Variants in EPM2A observed in about 807,000 individuals in gnomAD.
The protein encoded by EPM2A is laforin.
In EPM2A, 21 loss-of-function variants were observed where a neutral mutation model predicts 26.5. The observed-to-expected ratio is 0.79, with a 90% CI of 0.56 to 1.14. The LOEUF is 1.14. EPM2A is among the 50% of genes most tolerant of loss of function. EPM2A has a pLI of 0.00. For synonymous variants in EPM2A, 217 were observed against 177.6 expected (o/e 1.22, Z -1.76); for missense variants, 458 against 440.8 (o/e 1.04, Z -0.35).
chr6:145,540,360 C>T (rs1780489818), intron 2 of EPM2A, among the ~76,000 whole-genome samples: 1 of 152,128 alleles, frequency 6.6e-6, no homozygotes, highest in African/African-American at 2.4e-5. Flanking sequence ...TGGGTTGAGC[C>T]AAAATTACTT....
intron 1 of EPM2A, among the ~76,000 whole-genome samples, chr6:145,726,358 T>A (rs911042816): frequency 5.3e-5 from 8 of 151,932 alleles, no homozygotes; most frequent in African/African-American, 1.9e-4. Context: ...AAGAGACAAA[T>A]CCTCCATATA....
In EPM2A at chr6:145,501,900, TG is replaced by T. The variant is rs113837339; in HGVS notation, c.395-54del. 3,359 of 470,706 alleles carry T rather than the reference TG, an allele frequency of 7.1e-3. 76 individuals carry two copies. In the East Asian group the frequency reaches 0.09, roughly 13 times the overall value. The allele number at this position is 470,706 out of a possible 1,614,324, so 29.2% of individuals were successfully genotyped here. A position where few individuals can be genotyped will look rare whatever the true frequency, so the allele number is the denominator to read the frequency against. On this transcript the variant is annotated intron_variant, in intron 3 of 3. Coordinates refer to the EPM2A transcript ENST00000450221. Reference sequence around the variant, plus strand: ...TAGAGGTGACAATTGTCATTGTTATTGTTCTCATTTTACAGATGTGAAGGCT... The same window carrying T: ...TAGAGGTGACAATTGTCATTGTTATTTTCTCATTTTACAGATGTGAAGGCT...
chr6:145,502,004 C>A (rs1779896889), intron 3 of EPM2A, among the ~76,000 whole-genome samples: 3 of 152,194 alleles, frequency 2.0e-5, no homozygotes. Context: ...GAACCCTAAA[C>A]AGCTAACCTC....
intron 1 of EPM2A, chr6:145,722,610 A>G (rs888301640): frequency 7.9e-6 from 2 of 252,704 alleles, no homozygotes; most frequent in African/African-American, 4.7e-5. Flanking sequence ...TTGGTGAATG[A>G]AGTATTAGAA....
intron 2 of EPM2A, among the ~76,000 whole-genome samples, chr6:145,554,422 TGATAGATAGATAGATA>T (rs34637179): frequency 0.022 from 3,216 of 146,214 alleles, 107 homozygotes; most frequent in African/African-American, 0.075. Context: ...GATAGATAGA[TGATAGATAGATAGATA>T]GATAGATAGA....
intron 4 of EPM2A, among the ~76,000 whole-genome samples, chr6:145,415,220 G>A (rs1423819006): frequency 6.6e-6 from 1 of 152,204 alleles, no homozygotes; most frequent in East Asian, 1.9e-4. Context: ...CAAAAGAAAT[G>A]GAGAACATTC....
chr6:145,643,475 T>C (rs79070251), intron 2 of EPM2A, among the ~76,000 whole-genome samples: 2,035 of 152,248 alleles, frequency 0.013, 18 homozygotes, highest in Non-Finnish European at 0.02. Flanking sequence ...AATTTAAGGG[T>C]TAAATTTAAC....
At chr6:145,472,758 C>A (rs114395662) in intron 4 of EPM2A, among the ~76,000 whole-genome samples, 3 of 152,062 alleles carry the variant, frequency 2.0e-5, no homozygotes, top group Non-Finnish European at 4.4e-5. Flanking sequence ...CAATAGAATG[C>A]GAGATAGACT....
At chr6:145,571,186 CTG>C (rs34836710) in intron 2 of EPM2A, among the ~76,000 whole-genome samples, 54,918 of 151,936 alleles carry the variant, frequency 0.36, 10,361 homozygotes, top group South Asian at 0.51. Flanking sequence ...ATGGGAGAAA[CTG>C]TTCCATATAT....
At chr6:145,731,034 A>C (rs75576686) in intron 1 of EPM2A, among the ~76,000 whole-genome samples, 13 of 152,270 alleles carry the variant, frequency 8.5e-5, no homozygotes, top group Admixed American at 5.2e-4. Context: ...GGGTGAAACA[A>C]ATCCTGTGAT....
At chr6:145,691,640 A>T (rs1214943019) in intron 1 of EPM2A, among the ~76,000 whole-genome samples, 1 of 152,112 alleles carries the variant, frequency 6.6e-6, no homozygotes, top group Non-Finnish European at 1.5e-5. Flanking sequence ...CAAATGAGGA[A>T]GGACAAACGA....
intron 2 of EPM2A, among the ~76,000 whole-genome samples, chr6:145,508,220 C>G (rs1418063725): frequency 6.6e-6 from 1 of 152,192 alleles, no homozygotes; most frequent in Non-Finnish European, 1.5e-5. Flanking sequence ...TGTGGACTGA[C>G]AGAGGCCACT....
intron 3 of EPM2A, among the ~76,000 whole-genome samples, chr6:145,634,132 AGAG>A (rs771564886): frequency 6.6e-6 from 1 of 152,140 alleles, no homozygotes; most frequent in East Asian, 1.9e-4. Context: ...TTTCCCCAGC[AGAG>A]GAGGTCATCA....
chr6:145,402,790 C>T (rs979233220), intron 4 of EPM2A, among the ~76,000 whole-genome samples: 1 of 151,962 alleles, frequency 6.6e-6, no homozygotes. Flanking sequence ...GAACTTAGGT[C>T]AAAATATTAA....
At chr6:145,661,072 A>G (rs772675723) in intron 2 of EPM2A, among the ~76,000 whole-genome samples, 3 of 152,172 alleles carry the variant, frequency 2.0e-5, no homozygotes, top group African/African-American at 4.8e-5. Context: ...AGAGGCCCTG[A>G]AAAACAAAGT....
intron 4 of EPM2A, among the ~76,000 whole-genome samples, chr6:145,388,087 T>G (rs1778287506): frequency 6.6e-6 from 1 of 152,176 alleles, no homozygotes. Flanking sequence ...AAAAATGAAG[T>G]AAATAATATA....
chr6:145,580,544 G>C (rs373610848), intron 2 of EPM2A, among the ~76,000 whole-genome samples: 7 of 150,832 alleles, frequency 4.6e-5, no homozygotes, highest in Admixed American at 2.0e-4. Context: ...ATATTTCAAG[G>C]GTACAGGCAC....
At chr6:145,516,496 G>A (rs1780129362) in intron 2 of EPM2A, among the ~76,000 whole-genome samples, 1 of 152,122 alleles carries the variant, frequency 6.6e-6, no homozygotes, top group African/African-American at 2.4e-5. Context: ...AGATAGGGAT[G>A]GGAGAACAGA....
intron 2 of EPM2A, among the ~76,000 whole-genome samples, chr6:145,562,130 A>T (rs1265594891): frequency 7.0e-6 from 1 of 142,932 alleles, no homozygotes; most frequent in African/African-American, 2.6e-5. Context: ...ACAAAAAGGA[A>T]AAAAAAAAAA....
Sources: allele counts gnomAD v4.1 joint callset (sites outside exome capture counted in the v4.1 genomes callset), GRCh38; gene constraint gnomAD v4.1.1; transcripts MANE v1.5; gene names NCBI Gene and HGNC (gene_info 2026-07-23, HGNC 2026-07-21).